The following SYT17 variants were observed in gnomAD, a reference collection of about 807,000 sequenced individuals.
SYT17 encodes the protein synaptotagmin-17.
SYT17 carries 22 observed loss-of-function variants against 46.7 expected under a neutral mutation model. That is an observed-to-expected ratio of 0.47 (90% CI 0.34 to 0.67). The LOEUF (loss-of-function observed/expected upper bound fraction) is 0.67, where lower values mean the gene tolerates loss of function less well. SYT17 is among the 30% of genes least tolerant of loss of function. SYT17 has a pLI of 0.01. For missense variants in SYT17, 519 were observed against 612.8 expected (o/e 0.85, Z 1.62); for synonymous variants, 251 against 248.4 (o/e 1.01, Z -0.10).
At chr16:19,253,512 C>A (rs1234046194) in intron 7 of SYT17, among the ~76,000 whole-genome samples, 2 of 152,136 alleles carry the variant, frequency 1.3e-5, no homozygotes, top group East Asian at 1.9e-4. Context: ...AGCAAGAAGA[C>A]CTTTAACAAC....
chr16:19,187,851 A>T (rs576778223), intron 5 of SYT17, among the ~76,000 whole-genome samples: 52 of 152,346 alleles, frequency 3.4e-4, no homozygotes, highest in African/African-American at 1.2e-3. Context: ...TGGTGAGGTT[A>T]TAGAGAAAAA....
At chr16:19,216,267 T>G (rs900080615) in intron 5 of SYT17, among the ~76,000 whole-genome samples, 1 of 152,010 alleles carries the variant, frequency 6.6e-6, no homozygotes, top group Non-Finnish European at 1.5e-5. Flanking sequence ...CTCAAATGCC[T>G]CCTCCTCCAT....
At chr16:19,239,934 A>G (rs1353011477) in intron 7 of SYT17, among the ~76,000 whole-genome samples, 1 of 152,240 alleles carries the variant, frequency 6.6e-6, no homozygotes, top group Admixed American at 6.5e-5. Context: ...TCCAGGTGCC[A>G]GCATGGGTGC....
At chr16:19,223,936 T>C (rs2142872756) in intron 6 of SYT17, among the ~76,000 whole-genome samples, 1 of 152,210 alleles carries the variant, frequency 6.6e-6, no homozygotes, top group East Asian at 1.9e-4. Context: ...TCAAATGATG[T>C]GGCTTACAAA....
At chr16:19,215,769 GC>G (rs1193908896) in intron 5 of SYT17, among the ~76,000 whole-genome samples, 1 of 152,110 alleles carries the variant, frequency 6.6e-6, no homozygotes. Flanking sequence ...CTGTTCTCAT[GC>G]TGCTGATAAA....
intron 5 of SYT17, among the ~76,000 whole-genome samples, chr16:19,214,631 A>G (rs1966023629): frequency 6.6e-6 from 1 of 152,144 alleles, no homozygotes; most frequent in East Asian, 1.9e-4. Flanking sequence ...GCCCAAGTGA[A>G]CGATGTTATT....
At chr16:19,180,236 A>G in intron 3 of SYT17, 155 bp from the exon 4 acceptor site, 1 of 693,646 alleles carries the variant, frequency 1.4e-6, no homozygotes, top group East Asian at 2.6e-5. Context: ...CGTTGTTGAG[A>G]GTTTAAGGAC....
chr16:19,229,319 T>C (rs1288427336), intron 7 of SYT17, among the ~76,000 whole-genome samples: 1 of 152,192 alleles, frequency 6.6e-6, no homozygotes, highest in Admixed American at 6.5e-5. Flanking sequence ...GGCTGGCATC[T>C]GCTTGGCTTC....
At chr16:19,199,740 AAAAC>A (rs76671089) in intron 5 of SYT17, among the ~76,000 whole-genome samples, 27,344 of 151,578 alleles carry the variant, frequency 0.18, 2,640 homozygotes, top group African/African-American at 0.25. Flanking sequence ...CTGTCTCAAG[AAAAC>A]AAACAAACAA....
chr16:19,244,123 T>C (rs997435556), intron 7 of SYT17, among the ~76,000 whole-genome samples: 1 of 152,160 alleles, frequency 6.6e-6, no homozygotes, highest in African/African-American at 2.4e-5. Flanking sequence ...AAGTACTTTA[T>C]AAGCACTGTC....
chr16:19,262,814 A>G (rs1597056195), intron 7 of SYT17, among the ~76,000 whole-genome samples: 1 of 152,204 alleles, frequency 6.6e-6, no homozygotes, highest in Admixed American at 6.5e-5. Flanking sequence ...CAGTTAGCAC[A>G]GACAAGCTGG....
At chr16:19,251,931 T>C (rs1968105751) in intron 7 of SYT17, among the ~76,000 whole-genome samples, 1 of 152,086 alleles carries the variant, frequency 6.6e-6, no homozygotes, top group Admixed American at 6.6e-5. Flanking sequence ...ATGTTTGAGC[T>C]GAGTGTAGTG....
chr16:19,173,019 C>A, intron 2 of SYT17: 1 of 587,394 alleles, frequency 1.7e-6, no homozygotes, highest in Non-Finnish European at 3.0e-6. Flanking sequence ...CTGTCTGTTT[C>A]ATGTCACCGA....
In SYT17 at chr16:19,194,858, G is replaced by A. The variant is rs181832195; in HGVS notation, c.951+10711G>A. On this transcript the variant is annotated intron_variant, in intron 5 of 7. Coordinates refer to ENST00000355377, the MANE Select transcript of SYT17 (RefSeq NM_016524.4). ...AGCAATCCTCCTGCCTTGGCCTCCC[G>A]AAGTCCTGAGATTGCAGATGTGAGC... is the stretch of plus-strand genomic sequence containing the variant. Among the ~76,000 whole-genome samples, 185 of 152,278 alleles carry A rather than the reference G, an allele frequency of 1.2e-3. 2 individuals carry two copies. The highest frequency in any genetic ancestry group is 4.2e-3 in the African/African-American group (174 of 41,560).
At chr16:19,178,940 G>C (rs1340364266) in intron 3 of SYT17, among the ~76,000 whole-genome samples, 4 of 151,780 alleles carry the variant, frequency 2.6e-5, no homozygotes, top group Non-Finnish European at 4.4e-5. Context: ...TGCATCTATA[G>C]TCCCAGCTAC....
At position 19,168,677 on chromosome 16, in the gene SYT17, G is replaced by C; in HGVS notation, c.15+16G>C. The C allele has an allele frequency of 6.6e-7, 1 of 1,511,458 alleles. No homozygotes were observed. The highest frequency in any genetic ancestry group is 8.9e-7 in the Non-Finnish European group (1 of 1,127,376). The allele number at this position is 1,511,458 out of a possible 1,614,324, so 93.6% of individuals were successfully genotyped here. On this transcript the variant is annotated intron_variant, in intron 1 of 7. Transcript: ENST00000355377. The surrounding 1 kb of genome is among the most constrained non-coding windows in gnomAD (Gnocchi z 6.9). ...GTACATCCAGGTAGGGCTGAGGCTG[G>C]GGGCAAGGTCCGGGGTGCGGGTAGG... is the stretch of plus-strand genomic sequence containing the variant.
chr16:19,173,661 C>A, intron 3 of SYT17, 83 bp downstream of exon 3: 2 of 1,466,276 alleles, frequency 1.4e-6, no homozygotes, highest in South Asian at 1.3e-5. Flanking sequence ...GGGGTCTGGG[C>A]CACGGGAGGG....
chr16:19,173,013 C>G (rs957071456), intron 2 of SYT17: 1 of 591,830 alleles, frequency 1.7e-6, no homozygotes, highest in African/African-American at 1.9e-5. Flanking sequence ...TTATCTCTGT[C>G]TGTTTCATGT....
In SYT17 at chr16:19,267,284, T is replaced by A; in HGVS notation, c.*208T>A. 1 of 475,832 alleles carries A rather than the reference T, an allele frequency of 2.1e-6. No individual in the cohort carries two copies. The highest frequency in any genetic ancestry group is 3.7e-6 in the Non-Finnish European group (1 of 272,636). The allele number at this position is 475,832 out of a possible 1,614,324, so 29.5% of individuals were successfully genotyped here. On this transcript the variant is annotated 3_prime_UTR_variant, in exon 8 of 8. Coordinates refer to ENST00000355377, the MANE Select transcript of SYT17 (RefSeq NM_016524.4). ...CACAAAATGGCCGCCCTCAGTTGAG[T>A]GAGGCCTAGGAACTTTCCGGAAGCC...
Sources: allele counts gnomAD v4.1 joint callset (sites outside exome capture counted in the v4.1 genomes callset), GRCh38; gene constraint gnomAD v4.1.1; non-coding constraint Gnocchi (gnomAD v3.1); transcripts MANE v1.5; gene names NCBI Gene and HGNC (gene_info 2026-07-23, HGNC 2026-07-21).